The following JCAD variants were observed in gnomAD, a reference collection of about 807,000 sequenced individuals.
JCAD encodes the protein junctional cadherin 5-associated protein.
Under a neutral mutation model 98.0 loss-of-function variants are expected in JCAD, and 40 were observed. The observed-to-expected ratio is 0.41, with a 90% CI of 0.32 to 0.53. JCAD has a LOEUF of 0.53. JCAD is among the 20% of genes least tolerant of loss of function. JCAD has a pLI of 0.31. For missense variants in JCAD, 1,705 were observed against 1,738.1 expected, an observed-to-expected ratio of 0.98 and a Z score of 0.34; for synonymous variants, 691 against 682.3, an observed-to-expected ratio of 1.01 and a Z score of -0.20.
chr10:30,020,326 CAAAAAAAAAAAA>C lies in JCAD; in HGVS notation c.4046-2421_4046-2410del, dbSNP rs59762991. Among the ~76,000 whole-genome samples the C allele has an allele frequency of 6.0e-5, 5 of 83,058 alleles. No individual in the cohort carries two copies. The East Asian group carries it at 1.9e-3, about 31-fold the overall frequency. 54.5% of individuals were successfully genotyped at this position (83,058 alleles called of 152,430 possible). ...TGGGCAACAGAGTGAGACTCGGTCT[CAAAAAAAAAAAA>C]AAAAAAAAAGAAAAAGAAAAGTGAA... is the stretch of plus-strand genomic sequence containing the variant. On this transcript the variant is annotated intron_variant, in intron 3 of 3. Coordinates refer to ENST00000375377, the MANE Select transcript of JCAD (RefSeq NM_020848.4).
At chr10:30,084,216 G>A (rs1003977813) in intron 1 of JCAD, among the ~76,000 whole-genome samples, 2 of 151,634 alleles carry the variant, frequency 1.3e-5, no homozygotes, top group Admixed American at 1.3e-4. Flanking sequence ...GAAAGGGAAG[G>A]AAGGAAGAAA....
intron 1 of JCAD, among the ~76,000 whole-genome samples, chr10:30,072,663 T>TA (rs1438050586): frequency 6.6e-6 from 1 of 151,980 alleles, no homozygotes; most frequent in Non-Finnish European, 1.5e-5. Flanking sequence ...AATTTCTTTT[T>TA]TTTTTTTGAG....
At chr10:30,030,418 G>A (rs2132620846) in intron 2 of JCAD, among the ~76,000 whole-genome samples, 1 of 152,276 alleles carries the variant, frequency 6.6e-6, no homozygotes, top group Non-Finnish European at 1.5e-5. Context: ...TCCGGCCCGG[G>A]CAGCGGTGAG....
chr10:30,106,302 G>C (rs545620885), intron 1 of JCAD, among the ~76,000 whole-genome samples: 137 of 152,130 alleles, frequency 9.0e-4, no homozygotes, highest in Non-Finnish European at 1.5e-3. Context: ...ATGATGGTGT[G>C]TGCCTGTAGT....
chr10:30,061,006 C>T (rs1018535415), upstream of JCAD, among the ~76,000 whole-genome samples: 6 of 152,134 alleles, frequency 3.9e-5, no homozygotes, highest in East Asian at 3.9e-4. Flanking sequence ...ATCAGGAGTG[C>T]GTGGGAGGAA....
intron 1 of JCAD, among the ~76,000 whole-genome samples, chr10:30,110,267 GCCAGCTGATGTATAGA>G (rs1239981522): frequency 2.0e-5 from 3 of 150,888 alleles, no homozygotes; most frequent in East Asian, 2.0e-4. Flanking sequence ...TGAGGTATGG[GCCAGCTGATGTATAGA>G]CCAGCTGATG....
intron 2 of JCAD, among the ~76,000 whole-genome samples, chr10:30,032,445 T>A (rs1380959568): frequency 6.6e-6 from 1 of 152,154 alleles, no homozygotes; most frequent in Non-Finnish European, 1.5e-5. Context: ...CTACTACCCA[T>A]GAATGATCAG....
intron 1 of JCAD, among the ~76,000 whole-genome samples, chr10:30,094,810 C>T (rs1838343121): frequency 6.6e-6 from 1 of 152,202 alleles, no homozygotes; most frequent in African/African-American, 2.4e-5. Flanking sequence ...TTTTCATTCT[C>T]CCACCTCCTC....
chr10:30,072,490 G>C (rs766349679), intron 1 of JCAD, among the ~76,000 whole-genome samples: 2 of 152,146 alleles, frequency 1.3e-5, no homozygotes, highest in Admixed American at 6.5e-5. Context: ...GACATCTGAT[G>C]ACAACGGTTA....
intron 1 of JCAD, among the ~76,000 whole-genome samples, chr10:30,109,083 G>A (rs763693770): frequency 6.6e-6 from 1 of 152,030 alleles, no homozygotes; most frequent in Non-Finnish European, 1.5e-5. Flanking sequence ...ATCTTCCCTC[G>A]TCCTCAGGCT....
chr10:30,043,556 A>G (rs557796260), intron 2 of JCAD, among the ~76,000 whole-genome samples: 6 of 151,150 alleles, frequency 4.0e-5, no homozygotes, highest in African/African-American at 1.2e-4. Flanking sequence ...TCTCGTGTAG[A>G]CAGGTCAGGA....
rs1378029706 is a variant in JCAD, at chr10:30,026,856, A to C, written c.3292T>G (p.Ser1098Ala). 2.5e-6 allele frequency: 4 copies of C among 1,613,168 alleles called. No individual in the cohort carries two copies. ...GCTCTCCGGATGCCCGGCAGGAGGGACTCCACCGCCACCTCAATGCCCAGG... is the reference window on the plus strand; with the variant it reads ...GCTCTCCGGATGCCCGGCAGGAGGGCCTCCACCGCCACCTCAATGCCCAGG... ...RILGIEVAVE[S>A]LLPGIRRAGQ... Residue 1098 changes from serine to alanine, a missense_variant, in exon 3 of 4, where the codon TCC becomes GCC. By Grantham distance (99) the Ser-to-Ala change is moderately conservative (BLOSUM62 1). Coordinates refer to ENST00000375377, the MANE Select transcript of JCAD (RefSeq NM_020848.4).
At chr10:30,064,677 T>C (rs1837754128) in intron 2 of JCAD, among the ~76,000 whole-genome samples, 1 of 152,004 alleles carries the variant, frequency 6.6e-6, no homozygotes, top group South Asian at 2.1e-4. Context: ...TCTCTCTTTT[T>C]TTTTTTTCTT....
chr10:30,025,180 C>T (rs574570438), intron 3 of JCAD, among the ~76,000 whole-genome samples: 2 of 152,090 alleles, frequency 1.3e-5, no homozygotes, highest in African/African-American at 4.8e-5. Context: ...ATTCCTCTAA[C>T]TCAACTCGTA....
At chr10:30,025,909 G>T in intron 3 of JCAD, 194 bp downstream of exon 3, 3 of 674,544 alleles carry the variant, frequency 4.4e-6, no homozygotes, top group Non-Finnish European at 5.0e-6. Flanking sequence ...AAAATATACT[G>T]CAAGATCTTG....
chr10:30,017,856 C>T lies in JCAD; in HGVS notation c.*27G>A, dbSNP rs996152761. The T allele has an allele frequency of 8.7e-6, 14 of 1,604,990 alleles. No homozygotes were observed. The highest frequency in any genetic ancestry group is 4.4e-5 in the South Asian group (4 of 90,814). ...CTACTTGAGAATACTCAATTCGCAA[C>T]GGAATGCAAGCTCCACCGGCATTTC... On this transcript the variant is annotated 3_prime_UTR_variant, in exon 4 of 4. Coordinates refer to ENST00000375377, the MANE Select transcript of JCAD (RefSeq NM_020848.4).
chr10:30,041,461 T>C (rs1375816911), intron 2 of JCAD, among the ~76,000 whole-genome samples: 1 of 152,202 alleles, frequency 6.6e-6, no homozygotes, highest in Non-Finnish European at 1.5e-5. Flanking sequence ...AAAACCCTTA[T>C]AAGCAGGATA....
In JCAD at chr10:30,027,317, G is replaced by C. The variant is rs760848349; in HGVS notation, c.2831C>G (p.Pro944Arg). The change falls in exon 3 of 4, where the codon CCT becomes CGT. Residue 944 changes from proline to arginine, a missense_variant. Around this residue, in one of 3 missense-constraint regions of JCAD, gnomAD observed 1,278 missense variants for 1,243.1 expected, o/e 1.03. Coordinates refer to ENST00000375377, the MANE Select transcript of JCAD (RefSeq NM_020848.4). ...RFRVEEGGGA[P>R]FCSADGSTSA... is the part of the protein sequence containing the mutation. ...CGTGCTTCCATCTGCTGAGCAGAAAGGTGCACCGCCACCTTCTTCCACGCG... is the reference window on the plus strand; with the variant it reads ...CGTGCTTCCATCTGCTGAGCAGAAACGTGCACCGCCACCTTCTTCCACGCG... The C allele has an allele frequency of 1.2e-6, 2 of 1,613,684 alleles. No individual in the cohort carries two copies. Among genetic ancestry groups the C allele is most frequent in the East Asian group, 2.2e-5 (1 of 44,878 alleles).
chr10:30,058,596 G>A (rs1459439974), intron 1 of JCAD, among the ~76,000 whole-genome samples: 1 of 152,208 alleles, frequency 6.6e-6, no homozygotes, highest in African/African-American at 2.4e-5. Flanking sequence ...AGCGAGAGGG[G>A]CGCTTTTTAG....
Sources: allele counts gnomAD v4.1 joint callset (sites outside exome capture counted in the v4.1 genomes callset), GRCh38; gene constraint gnomAD v4.1.1; regional missense constraint gnomAD v4.1.1; transcripts MANE v1.5; gene names NCBI Gene and HGNC (gene_info 2026-07-23, HGNC 2026-07-21).